TLL1: variants seen among roughly 807,000 people sequenced by gnomAD.
TLL1 encodes the protein tolloid like 1, also known as tolloid-like protein 1.
In TLL1, 49 loss-of-function variants were observed where a neutral mutation model predicts 128.2. That is an observed-to-expected ratio of 0.38 (90% CI 0.30 to 0.48). TLL1 has a LOEUF of 0.48. Among genes scored for constraint, TLL1 ranks in the 20% least tolerant of loss-of-function variants. TLL1 has a pLI of 0.96. For synonymous variants in TLL1, 454 were observed against 418.8 expected, an observed-to-expected ratio of 1.08 and a Z score of -1.03; for missense variants, 1,123 against 1,242.0, an observed-to-expected ratio of 0.90 and a Z score of 1.44.
At chr4:165,998,490 G>T (rs947082333) in intron 5 of TLL1, among the ~76,000 whole-genome samples, 6 of 151,992 alleles carry the variant, frequency 3.9e-5, no homozygotes, top group South Asian at 2.1e-4. Flanking sequence ...GATTATTCAG[G>T]TTATAAAAGT....
At chr4:165,879,093 C>T (rs1730862323) in intron 1 of TLL1, among the ~76,000 whole-genome samples, 1 of 151,646 alleles carries the variant, frequency 6.6e-6, no homozygotes, top group Non-Finnish European at 1.5e-5. Context: ...CCATGCCCAG[C>T]TAATTTTATT....
At chr4:165,908,005 G>T (rs1356569264) in intron 1 of TLL1, among the ~76,000 whole-genome samples, 1 of 152,216 alleles carries the variant, frequency 6.6e-6, no homozygotes, top group Non-Finnish European at 1.5e-5. Context: ...CCACGGAAGT[G>T]CTTCACAATA....
At chr4:165,932,849 T>C (rs1733592145) in intron 1 of TLL1, among the ~76,000 whole-genome samples, 1 of 152,078 alleles carries the variant, frequency 6.6e-6, no homozygotes, top group African/African-American at 2.4e-5. Context: ...GTGGAATAAA[T>C]TGTGATATTG....
intron 16 of TLL1, among the ~76,000 whole-genome samples, chr4:166,074,260 C>A (rs1239458748): frequency 1.3e-5 from 2 of 151,420 alleles, no homozygotes; most frequent in Middle Eastern, 3.4e-3. Flanking sequence ...AATTTCATTT[C>A]TTCTTTAGAG....
intron 12 of TLL1, among the ~76,000 whole-genome samples, 179 bp downstream of exon 12, chr4:166,043,598 C>T (rs897772046): frequency 1.3e-5 from 2 of 152,070 alleles, no homozygotes; most frequent in Non-Finnish European, 1.5e-5. Context: ...CTTCTTTCCT[C>T]GTTTGGAGAC....
chr4:166,010,508 G>A (rs368785932), intron 7 of TLL1, among the ~76,000 whole-genome samples: 2 of 150,562 alleles, frequency 1.3e-5, no homozygotes, highest in African/African-American at 4.8e-5. Flanking sequence ...AGTAGTAGAA[G>A]TTCTTTGTAT....
chr4:166,101,342 A>T lies in TLL1; in HGVS notation c.*466A>T, dbSNP rs76550173. On this transcript the variant is annotated 3_prime_UTR_variant, in exon 21 of 21. Coordinates refer to ENST00000061240, the MANE Select transcript of TLL1 (RefSeq NM_012464.5). ...CTTGGATACAGTGTAAACCAGATCCATATAAGGTGAATGTGAAATGGGAGT... is the reference window on the plus strand; with the variant it reads ...CTTGGATACAGTGTAAACCAGATCCTTATAAGGTGAATGTGAAATGGGAGT... The T allele has an allele frequency of 0.014, 2,520 of 180,926 alleles. 73 individuals carry two copies. The highest frequency in any genetic ancestry group is 0.08 in the South Asian group (660 of 8,268). 11.2% of individuals were successfully genotyped at this position (180,926 alleles called of 1,614,324 possible). A position where few individuals can be genotyped will look rare whatever the true frequency, so the allele number is the denominator to read the frequency against.
intron 12 of TLL1, among the ~76,000 whole-genome samples, chr4:166,051,851 A>G (rs10003098): frequency 2.0e-5 from 3 of 152,178 alleles, no homozygotes; most frequent in Non-Finnish European, 4.4e-5. Context: ...TGTTGCCCCA[A>G]ATACCAGGTA....
intron 1 of TLL1, among the ~76,000 whole-genome samples, chr4:165,937,139 C>T (rs770558506): frequency 1.3e-5 from 2 of 152,062 alleles, no homozygotes; most frequent in East Asian, 1.9e-4. Flanking sequence ...ACTTCTGTTC[C>T]TCTTTCTTCC....
chr4:166,047,959 A>G (rs1408575250), intron 12 of TLL1, among the ~76,000 whole-genome samples: 1 of 152,050 alleles, frequency 6.6e-6, no homozygotes, highest in Non-Finnish European at 1.5e-5. Flanking sequence ...CCTAGGGGCT[A>G]GGTGCTGTGG....
chr4:166,004,110 A>G (rs1737297606), intron 6 of TLL1, among the ~76,000 whole-genome samples: 1 of 152,084 alleles, frequency 6.6e-6, no homozygotes, highest in South Asian at 2.1e-4. Context: ...ATTCTTAGGA[A>G]AATTTTCAGT....
intron 1 of TLL1, among the ~76,000 whole-genome samples, chr4:165,897,661 G>GA (rs1579455515): frequency 1.3e-5 from 1 of 74,290 alleles, no homozygotes; most frequent in Non-Finnish European, 2.4e-5. Flanking sequence ...AGGTAGTCCA[G>GA]CTTTTTTTTT....
At chr4:165,936,219 T>C (rs1440601308) in intron 1 of TLL1, among the ~76,000 whole-genome samples, 2 of 148,252 alleles carry the variant, frequency 1.3e-5, no homozygotes, top group Non-Finnish European at 3.0e-5. Flanking sequence ...TTTTTTTCTT[T>C]TTTCTTTTTT....
intron 1 of TLL1, among the ~76,000 whole-genome samples, chr4:165,899,653 A>G (rs1477293562): frequency 5.9e-5 from 9 of 152,256 alleles, no homozygotes; most frequent in Admixed American, 6.5e-5. Flanking sequence ...TCTGTGGTCA[A>G]TTTTAGAATA....
intron 1 of TLL1, among the ~76,000 whole-genome samples, chr4:165,910,809 G>A (rs1579474887): frequency 6.6e-6 from 1 of 152,274 alleles, no homozygotes; most frequent in East Asian, 1.9e-4. Context: ...TGAGAACACT[G>A]GGGCTTATCA....
chr4:165,890,024 C>A (rs1731327658), intron 1 of TLL1, among the ~76,000 whole-genome samples: 1 of 152,074 alleles, frequency 6.6e-6, no homozygotes, highest in Admixed American at 6.6e-5. Context: ...AGGACACTAA[C>A]AGTCATGGCG....
chr4:166,072,637 T>G (rs1740846060), intron 16 of TLL1, among the ~76,000 whole-genome samples: 1 of 152,036 alleles, frequency 6.6e-6, no homozygotes, highest in Admixed American at 6.6e-5. Context: ...AGCAAAGGAC[T>G]TAACCTTTCC....
chr4:165,896,271 T>G (rs1731676154), intron 1 of TLL1, among the ~76,000 whole-genome samples: 1 of 152,158 alleles, frequency 6.6e-6, no homozygotes, highest in Non-Finnish European at 1.5e-5. Context: ...CTTATCATTT[T>G]TTATGGCTGC....
intron 1 of TLL1, among the ~76,000 whole-genome samples, chr4:165,950,246 TTTTA>T (rs747583184): frequency 2.0e-5 from 3 of 152,168 alleles, no homozygotes; most frequent in African/African-American, 2.4e-5. Flanking sequence ...TTGTTTGTTG[TTTTA>T]TTTATTTTTA....
Sources: gnomAD v4.1 joint callset for allele counts (sites outside exome capture counted in the v4.1 genomes callset) on GRCh38, gnomAD v4.1.1 for gene constraint, MANE v1.5 for transcripts, NCBI Gene and HGNC (gene_info 2026-07-23, HGNC 2026-07-21) for gene names.